KIAA1217: variants seen among roughly 807,000 people sequenced by gnomAD.
KIAA1217 encodes KIAA1217.
Under a neutral mutation model 163.9 loss-of-function variants are expected in KIAA1217, and 88 were observed. The observed-to-expected ratio is 0.54, with a 90% confidence interval of 0.45 to 0.64. The LOEUF (loss-of-function observed/expected upper bound fraction) is 0.64, where lower values mean the gene tolerates loss of function less well. Among genes scored for constraint, KIAA1217 ranks in the 30% least tolerant of loss-of-function variants. KIAA1217 has a pLI of 0.00. For synonymous variants in KIAA1217, 903 were observed against 923.1 expected, an observed-to-expected ratio of 0.98 and a Z score of 0.39; for missense variants, 2,372 against 2,475.0, an observed-to-expected ratio of 0.96 and a Z score of 0.88.
intron 1 of KIAA1217, among the ~76,000 whole-genome samples, chr10:23,827,753 C>T (rs1357747950): frequency 1.3e-5 from 2 of 152,144 alleles, no homozygotes; most frequent in African/African-American, 4.8e-5. Flanking sequence ...CACAAGCCGC[C>T]GGTATGATTC....
At chr10:23,961,601 T>C (rs955726072) in intron 1 of KIAA1217, among the ~76,000 whole-genome samples, 1 of 152,218 alleles carries the variant, frequency 6.6e-6, no homozygotes, top group Non-Finnish European at 1.5e-5. Flanking sequence ...AAAATAACCC[T>C]TCAGCTTTTT....
At chr10:23,740,132 A>G (rs1029350583) in intron 1 of KIAA1217, among the ~76,000 whole-genome samples, 7 of 152,170 alleles carry the variant, frequency 4.6e-5, no homozygotes, top group African/African-American at 1.7e-4. Context: ...GGGAGAGGTC[A>G]GGCTGGAGAA....
At chr10:24,491,701 G>T (rs539206246) in intron 6 of KIAA1217, among the ~76,000 whole-genome samples, 1 of 152,164 alleles carries the variant, frequency 6.6e-6, no homozygotes, top group East Asian at 1.9e-4. Flanking sequence ...CATTGTTCTT[G>T]TGGCCAGCGA....
chr10:23,840,081 T>A (rs1198043581), intron 1 of KIAA1217, among the ~76,000 whole-genome samples: 3 of 152,134 alleles, frequency 2.0e-5, no homozygotes, highest in African/African-American at 7.2e-5. Context: ...TCTCCTTAAG[T>A]TCTGTCCACA....
In KIAA1217 at chr10:24,175,054, G is replaced by A. The variant is rs768502522; in HGVS notation, c.-170-44572G>A. The stretch of plus-strand genomic sequence containing the variant: ...TTTTTTTATTTTCAGTAGAGACAGG[G>A]TCTCACTATGTTGGCCAGCGTGGTC... On this transcript the variant is annotated intron_variant, in intron 2 of 18. Transcript: ENST00000376462. 6.8e-4 allele frequency among the ~76,000 whole-genome samples: 103 copies of A among 151,964 alleles called. 1 individual carries two copies. The highest frequency in any genetic ancestry group is 3.2e-3 in the Middle Eastern group (1 of 316).
rs61854200 is a variant in KIAA1217, at chr10:24,516,203, G to A, written c.2177+2769G>A. 5.0e-3 allele frequency among the ~76,000 whole-genome samples: 765 copies of A among 152,372 alleles called. 5 individuals are homozygous for A. Among genetic ancestry groups the A allele is most frequent in the South Asian group, 0.012 (60 of 4,830 alleles). On this transcript the variant is annotated intron_variant, in intron 10 of 20. Coordinates refer to ENST00000376454, the MANE Select transcript of KIAA1217 (RefSeq NM_019590.5). ...GCAGTAGAACCCTGCAAACCAACAAGTTTCTGGCCTGGAAAATGCAAGATG... is the reference window on the plus strand; with the variant it reads ...GCAGTAGAACCCTGCAAACCAACAAATTTCTGGCCTGGAAAATGCAAGATG...
At chr10:24,353,472 ATCT>A (rs1243441300) in intron 2 of KIAA1217, among the ~76,000 whole-genome samples, 1 of 151,982 alleles carries the variant, frequency 6.6e-6, no homozygotes, top group South Asian at 2.1e-4. Context: ...GCACTTGGTA[ATCT>A]TCTTAAATGC....
chr10:24,054,525 A>G (rs1394657861), intron 2 of KIAA1217, among the ~76,000 whole-genome samples: 1 of 152,204 alleles, frequency 6.6e-6, no homozygotes, highest in African/African-American at 2.4e-5. Context: ...TGTGTGCACT[A>G]ACTTGTCTTT....
upstream of KIAA1217, among the ~76,000 whole-genome samples, chr10:24,205,764 T>C (rs1049488503): frequency 7.1e-6 from 1 of 141,802 alleles, no homozygotes; most frequent in Admixed American, 7.2e-5. Context: ...CAGAGCAAGA[T>C]GCTGTCTCAA....
chr10:24,314,278 A>G (rs2043079543), intron 2 of KIAA1217, among the ~76,000 whole-genome samples: 2 of 152,202 alleles, frequency 1.3e-5, no homozygotes, highest in Non-Finnish European at 1.5e-5. Context: ...TTGAAGTACC[A>G]GCCCTGTTAG....
intron 2 of KIAA1217, among the ~76,000 whole-genome samples, chr10:24,052,174 A>G (rs975436801): frequency 2.0e-5 from 3 of 152,114 alleles, no homozygotes; most frequent in Non-Finnish European, 4.4e-5. Flanking sequence ...CCGATTCTTT[A>G]TTGGATTTTA....
intron 2 of KIAA1217, among the ~76,000 whole-genome samples, chr10:24,149,835 C>CAT (rs1474493151): frequency 6.6e-6 from 1 of 152,002 alleles, no homozygotes; most frequent in Non-Finnish European, 1.5e-5. Flanking sequence ...ACATTGTATA[C>CAT]ATATATCAAA....
chr10:23,811,469 A>C (rs1456830844), intron 1 of KIAA1217, among the ~76,000 whole-genome samples: 1 of 151,628 alleles, frequency 6.6e-6, no homozygotes, highest in African/African-American at 2.4e-5. Flanking sequence ...ATTACAGTAA[A>C]AGTTACATTA....
At position 24,128,215 on chromosome 10, in the gene KIAA1217, A is replaced by T. The variant is rs375321192; in HGVS notation, c.-170-91411A>T. ...GCCCTGGTCAGTGGTTTACAATGGC[A>T]ATAATCTCTTCCAAAACAGTTGTTA... On this transcript the variant is annotated intron_variant, in intron 2 of 18. Coordinates refer to the KIAA1217 transcript ENST00000376462. 8.5e-5 allele frequency among the ~76,000 whole-genome samples: 13 copies of T among 152,300 alleles called. No individual in the cohort carries two copies. In the East Asian group the frequency reaches 9.7e-4, roughly 11 times the overall value.
At chr10:23,794,138 G>GTA (rs1836088966) in intron 1 of KIAA1217, among the ~76,000 whole-genome samples, 1 of 152,146 alleles carries the variant, frequency 6.6e-6, no homozygotes, top group Admixed American at 6.5e-5. Context: ...CCAAAGTGCA[G>GTA]TAAGAAATGT....
At chr10:24,105,787 A>G (rs1223767505) in intron 2 of KIAA1217, among the ~76,000 whole-genome samples, 2 of 152,208 alleles carry the variant, frequency 1.3e-5, no homozygotes, top group Non-Finnish European at 2.9e-5. Flanking sequence ...TACTGCCTTC[A>G]TGGGGCTTTC....
intron 5 of KIAA1217, among the ~76,000 whole-genome samples, chr10:24,443,014 G>A (rs565769841): frequency 6.7e-6 from 1 of 150,104 alleles, no homozygotes; most frequent in East Asian, 2.0e-4. Context: ...AGGTTCAAGC[G>A]ATTCTCCCAC....
chr10:24,027,065 AATATC>A lies in KIAA1217; in HGVS notation c.-171+19692_-171+19696del, dbSNP rs1453263447. ...CTTCCAAATATTTGGGGCTTTAAAA[AATATC>A]TTTCTGTTACTTATTTTTAATTTAA... On this transcript the variant is annotated intron_variant, in intron 2 of 18. Coordinates refer to the KIAA1217 transcript ENST00000376462. 5.3e-5 allele frequency among the ~76,000 whole-genome samples: 8 copies of A among 152,082 alleles called. No individual in the cohort carries two copies. In the East Asian group the frequency reaches 1.4e-3, roughly 26 times the overall value.
chr10:24,341,339 T>C (rs2047073656), intron 2 of KIAA1217, among the ~76,000 whole-genome samples: 1 of 152,136 alleles, frequency 6.6e-6, no homozygotes, highest in Admixed American at 6.5e-5. Flanking sequence ...AGTAGGTCAG[T>C]TGGAAGATTG....
Sources: gnomAD v4.1 joint callset for allele counts (sites outside exome capture counted in the v4.1 genomes callset) on GRCh38, gnomAD v4.1.1 for gene constraint, MANE v1.5 for transcripts, NCBI Gene and HGNC (gene_info 2026-07-23, HGNC 2026-07-21) for gene names.